PPP1R3D: variants seen among roughly 807,000 people sequenced by gnomAD.
PPP1R3D encodes the protein protein phosphatase 1 regulatory subunit 3D.
A neutral mutation model predicts 16.3 loss-of-function variants in PPP1R3D; 27 were observed. The ratio of observed to expected loss-of-function variants is 1.66; its 90% CI spans 1.22 to 2.29. The LOEUF (loss-of-function observed/expected upper bound fraction) is 2.29. Ranked by LOEUF, PPP1R3D falls within the 30% of genes most tolerant of loss-of-function variation. PPP1R3D has a pLI of 0.00. For missense variants in PPP1R3D, 472 were observed against 438.3 expected (o/e 1.08, Z -0.69); for synonymous variants, 223 against 209.7 (o/e 1.06, Z -0.55).
At position 59,938,854 on chromosome 20, in the gene PPP1R3D, C is replaced by T; in HGVS notation, c.*178G>A. 1.9e-6 allele frequency: 1 copy of T among 527,990 alleles called. No individual in the cohort carries two copies. The highest frequency in any genetic ancestry group is 3.0e-6 in the Non-Finnish European group (1 of 329,124). 32.7% of individuals were successfully genotyped at this position (527,990 alleles called of 1,614,324 possible). ...AGGCTACTTTTTAGACCAAGTGACTCAGACGTTTCAAGTAGAAGACAGGAT... is the reference window on the plus strand; with the variant it reads ...AGGCTACTTTTTAGACCAAGTGACTTAGACGTTTCAAGTAGAAGACAGGAT... On this transcript the variant is annotated 3_prime_UTR_variant, in exon 1 of 1. Transcript: ENST00000370996.
rs748260351 is a variant in PPP1R3D, at chr20:59,939,467, C to A, written c.465G>T (p.Leu155=). ...CGACGGGCGGCGGGAAATCGGGCAC[C>A]AGGCAATGCAGGGTGAACTCCAGGT... ...SQDLEFTLHC[L]VPDFPPPVEA... Residue 155 remains leucine, a synonymous_variant, in exon 1 of 1, where the codon CTG becomes CTT. Transcript: ENST00000370996. 6.2e-7 allele frequency: 1 copy of A among 1,612,030 alleles called. No individual in the cohort carries two copies. Among genetic ancestry groups the A allele is most frequent in the South Asian group, 1.1e-5 (1 of 91,062 alleles).
In PPP1R3D at chr20:59,940,103, C is replaced by T; in HGVS notation, c.-172G>A. On this transcript the variant is annotated 5_prime_UTR_variant, in exon 1 of 1. Transcript: ENST00000370996. ...GGTTCGCCACCTTGCTCCTCGAGTC[C>T]TTGTCCAGGTCCTCCGCTTCTTGCG... is the stretch of plus-strand genomic sequence containing the variant. 4.5e-6 allele frequency: 2 copies of T among 444,114 alleles called. No homozygotes were observed. Among genetic ancestry groups the T allele is most frequent in the Non-Finnish European group, 3.9e-6 (1 of 256,082 alleles). The allele number at this position is 444,114 out of a possible 1,614,324, so 27.5% of individuals were successfully genotyped here.
In PPP1R3D at chr20:59,939,311, G is replaced by A. The variant is rs1373810018; in HGVS notation, c.621C>T (p.Arg207=). The A allele has an allele frequency of 1.2e-6, 2 of 1,612,000 alleles. No homozygotes were observed. Among genetic ancestry groups the A allele is most frequent in the Non-Finnish European group, 1.7e-6 (2 of 1,179,818 alleles). Residue 207 remains arginine (R), a synonymous_variant, in exon 1 of 1, where the codon CGC becomes CGT. Coordinates refer to ENST00000370996, the MANE Select transcript of PPP1R3D (RefSeq NM_006242.4). Reference sequence around the variant, plus strand: ...TACTGCGCCAGCCCGAGAAAGTGTAGCGCACAGCCACCTGCTTCTCGAAGG... The same window carrying A: ...TACTGCGCCAGCCCGAGAAAGTGTAACGCACAGCCACCTGCTTCTCGAAGG... ...NVAFEKQVAV[R]YTFSGWRSTH...
At position 59,939,651 on chromosome 20, in the gene PPP1R3D, C is replaced by A. The variant is rs1478957258; in HGVS notation, c.281G>T (p.Arg94Leu). 3 of 1,524,310 alleles carry A rather than the reference C, an allele frequency of 2.0e-6. No homozygotes were observed. In the Admixed American group the frequency reaches 6.2e-5, roughly 32 times the overall value. 94.4% of individuals were successfully genotyped at this position (1,524,310 alleles called of 1,614,324 possible). A position where few individuals can be genotyped will look rare whatever the true frequency, so the allele number is the denominator to read the frequency against. The change falls in exon 1 of 1, where the codon CGG becomes CTG. Residue 94 changes from arginine to leucine, a missense_variant. Transcript: ENST00000370996. ...KAAGAPGAAC[R>L]PGCSQKLRVR... ...GCGGAGCTTCTGGCTGCAGCCCGGCCGACACGCAGCGCCCGGCGCGCCCGC... is the reference window on the plus strand; with the variant it reads ...GCGGAGCTTCTGGCTGCAGCCCGGCAGACACGCAGCGCCCGGCGCGCCCGC...
At position 59,939,924 on chromosome 20, in the gene PPP1R3D, C is replaced by T. The variant is rs776630785; in HGVS notation, c.8G>A (p.Arg3Lys). ...AGGCAGGACCGCGGAGCTCGGGCCT[C>T]TGGACATGGCCCCGCCGGCCGTCGG... Reference protein sequence around the residue: MSRGPSSAVLPSA... With the variant: MSKGPSSAVLPSA... The change falls in exon 1 of 1, where the codon AGA becomes AAA. Residue 3 changes from arginine (R) to lysine (K), a missense_variant. Arg to Lys is a conservative substitution (Grantham distance 26, BLOSUM62 2). Transcript: ENST00000370996. 1.4e-4 allele frequency: 175 copies of T among 1,261,158 alleles called. No homozygotes were observed. The highest frequency in any genetic ancestry group is 1.7e-4 in the Non-Finnish European group (167 of 997,626). The allele number at this position is 1,261,158 out of a possible 1,614,324, so 78.1% of individuals were successfully genotyped here.
rs770112854 is a variant in PPP1R3D at position 59,939,164 on chromosome 20, C to T, written c.768G>A (p.Ala256=). The T allele has an allele frequency of 2.5e-6, 4 of 1,611,360 alleles. No individual in the cohort carries two copies. The highest frequency in any genetic ancestry group is 1.3e-5 in the African/African-American group (1 of 75,012). The change falls in exon 1 of 1, where the codon GCG becomes GCA. Residue 256 remains alanine (A), a synonymous_variant. Transcript: ENST00000370996. ...CGGCACCCGCCACTTGGTAGCGCAC[C>T]GCGAAGTGCACGCGGGAGCCGAGCT... is the stretch of plus-strand genomic sequence containing the variant. ...LLELGSRVHF[A]VRYQVAGAEY...
rs1396101746 is a variant in PPP1R3D, at chr20:59,938,825, C to T, written c.*207G>A. On this transcript the variant is annotated 3_prime_UTR_variant, in exon 1 of 1. Transcript: ENST00000370996. ...ATTACACAACTCGGCCTTCTGGCCA[C>T]CTGAGGCTACTTTTTAGACCAAGTG... The T allele has an allele frequency of 9.0e-6, 4 of 443,068 alleles. No individual in the cohort carries two copies. The highest frequency in any genetic ancestry group is 1.5e-5 in the Non-Finnish European group (4 of 261,934). 27.4% of individuals were successfully genotyped at this position (443,068 alleles called of 1,614,324 possible).
Position 59,939,813 on chromosome 20 carries a change from G to C in PPP1R3D, c.119C>G (p.Ala40Gly). Residue 40 changes from alanine (A) to glycine (G), a missense_variant, in exon 1 of 1, where the codon GCC (alanine) becomes GGC (glycine). Ala to Gly is a moderately conservative substitution (Grantham distance 60, BLOSUM62 0). Coordinates refer to ENST00000370996, the MANE Select transcript of PPP1R3D (RefSeq NM_006242.4). ...LDGGVALEPR[A>G]CRPPGSPGRA... Reference sequence around the variant, plus strand: ...GCCCGGGCTCCCAGGGGGCCTACAGGCCCGCGGCTCCAGGGCCACGCCGCC... The same window carrying C: ...GCCCGGGCTCCCAGGGGGCCTACAGCCCCGCGGCTCCAGGGCCACGCCGCC... 1 of 1,234,910 alleles carries C rather than the reference G, an allele frequency of 8.1e-7. No individual in the cohort carries two copies. Among genetic ancestry groups the C allele is most frequent in the Non-Finnish European group, 1.0e-6 (1 of 990,040 alleles). The allele number at this position is 1,234,910 out of a possible 1,614,324, so 76.5% of individuals were successfully genotyped here. A position where few individuals can be genotyped will look rare whatever the true frequency, so the allele number is the denominator to read the frequency against.
In PPP1R3D at chr20:59,936,753, C is replaced by G. The variant is rs1601037508; in HGVS notation, c.*2279G>C. The G allele has an allele frequency of 6.6e-6, 1 of 152,192 alleles. No individual in the cohort carries two copies. Among genetic ancestry groups the G allele is most frequent in the Admixed American group, 6.5e-5 (1 of 15,282 alleles). The allele number at this position is 152,192 out of a possible 1,614,324, so 9.4% of individuals were successfully genotyped here. Reference sequence around the variant, plus strand: ...AGACTTGCATGTGAAATGATTTAGACAAGAAGTTTCTAAAGCTTGGTCTTC... The same window carrying G: ...AGACTTGCATGTGAAATGATTTAGAGAAGAAGTTTCTAAAGCTTGGTCTTC... On this transcript the variant is annotated 3_prime_UTR_variant, in exon 1 of 1. Coordinates refer to ENST00000370996, the MANE Select transcript of PPP1R3D (RefSeq NM_006242.4).
Position 59,939,377 on chromosome 20 carries a change from C to G in PPP1R3D, c.555G>C (p.Ser185=), listed in dbSNP as rs1488810316. The part of the protein sequence containing the change: ...QLVCLERVTC[S]DLGISGTVRV... ...GCACCGTACCGCTGATGCCAAGGTC[C>G]GAGCAAGTGACACGCTCCAGGCACA... Residue 185 remains serine, a synonymous_variant, in exon 1 of 1, where the codon TCG becomes TCC. Transcript: ENST00000370996. The G allele has an allele frequency of 6.2e-7, 1 of 1,610,470 alleles. No homozygotes were observed. Among genetic ancestry groups the G allele is most frequent in the Non-Finnish European group, 8.5e-7 (1 of 1,179,598 alleles).
rs2060864187 is a variant in PPP1R3D, at chr20:59,936,680, A to G, written c.*2352T>C. The stretch of plus-strand genomic sequence containing the variant: ...ACTGACGCTGAGGCACAATGACAAA[A>G]TTTATTTTTGCCAAGGCTCTACGTT... On this transcript the variant is annotated 3_prime_UTR_variant, in exon 1 of 1. Transcript: ENST00000370996. 1.3e-5 allele frequency: 2 copies of G among 152,360 alleles called. No individual in the cohort carries two copies. The highest frequency in any genetic ancestry group is 4.1e-4 in the South Asian group (2 of 4,826). 9.4% of individuals were successfully genotyped at this position (152,360 alleles called of 1,614,324 possible).
Position 59,939,842 on chromosome 20 carries a change from C to T in PPP1R3D, c.90G>A (p.Leu30=). Residue 30 remains leucine, a synonymous_variant, in exon 1 of 1, where the codon CTG becomes CTA. Coordinates refer to ENST00000370996, the MANE Select transcript of PPP1R3D (RefSeq NM_006242.4). The part of the protein sequence containing the change: ...GPRSLSCLSD[L]DGGVALEPRA... ...GCGGCTCCAGGGCCACGCCGCCGTC[C>T]AGGTCCGACAGGCAGCTGAGGCTCC... is the stretch of plus-strand genomic sequence containing the variant. The T allele has an allele frequency of 8.0e-7, 1 of 1,242,246 alleles. No individual in the cohort carries two copies. The highest frequency in any genetic ancestry group is 1.0e-6 in the Non-Finnish European group (1 of 993,694). 77.0% of individuals were successfully genotyped at this position (1,242,246 alleles called of 1,614,324 possible).
At position 59,940,179 on chromosome 20, in the gene PPP1R3D, A is replaced by G. The variant is rs977000697; in HGVS notation, c.-248T>C. The G allele has an allele frequency of 3.2e-4, 122 of 381,088 alleles. No individual in the cohort carries two copies. The highest frequency in any genetic ancestry group is 5.3e-4 in the Non-Finnish European group (109 of 206,296). 23.6% of individuals were successfully genotyped at this position (381,088 alleles called of 1,614,324 possible). ...GTTTTTCTCTAGTGGAAGCTTTCAGAGGCCTCCCGGGAGCGCAGGGTAGCG... is the reference window on the plus strand; with the variant it reads ...GTTTTTCTCTAGTGGAAGCTTTCAGGGGCCTCCCGGGAGCGCAGGGTAGCG... On this transcript the variant is annotated 5_prime_UTR_variant, in exon 1 of 1. Coordinates refer to ENST00000370996, the MANE Select transcript of PPP1R3D (RefSeq NM_006242.4).
rs1471031374 is a variant in PPP1R3D at position 59,937,295 on chromosome 20, A to G, written c.*1737T>C. ...AACAGGCTTGCTGACCTAATTGGAC[A>G]GTTTGTTAAATAGCAGGAAATGTAA... On this transcript the variant is annotated 3_prime_UTR_variant, in exon 1 of 1. Transcript: ENST00000370996. 3 of 152,696 alleles carry G rather than the reference A, an allele frequency of 2.0e-5. No homozygotes were observed. The highest frequency in any genetic ancestry group is 4.4e-5 in the Non-Finnish European group (3 of 68,060). 9.5% of individuals were successfully genotyped at this position (152,696 alleles called of 1,614,324 possible). A position where few individuals can be genotyped will look rare whatever the true frequency, so the allele number is the denominator to read the frequency against.
In PPP1R3D at chr20:59,939,761, C is replaced by T; in HGVS notation, c.171G>A (p.Pro57=). 2.5e-6 allele frequency: 3 copies of T among 1,221,014 alleles called. No individual in the cohort carries two copies. The highest frequency in any genetic ancestry group is 4.1e-5 in the South Asian group (1 of 24,320). The allele number at this position is 1,221,014 out of a possible 1,614,324, so 75.6% of individuals were successfully genotyped here. A position where few individuals can be genotyped will look rare whatever the true frequency, so the allele number is the denominator to read the frequency against. ...GCCGCAGGCGGGGGTCGCAGCCCGA[C>T]GGCGCTGGCGTTGGCGGCGGCGCGC... The part of the protein sequence containing the change: ...PGRAPPPTPA[P]SGCDPRLRPI... The change falls in exon 1 of 1, where the codon CCG becomes CCA. Residue 57 remains proline, a synonymous_variant. Coordinates refer to ENST00000370996, the MANE Select transcript of PPP1R3D (RefSeq NM_006242.4).
rs866772292 is a variant in PPP1R3D at position 59,940,239 on chromosome 20, A to T, written c.-308T>A. ...TCTTCTTGCTTCCTTGGAGGTTCTTACAAGAAGGCTGCGTTCCGGGAGCGG... is the reference window on the plus strand; with the variant it reads ...TCTTCTTGCTTCCTTGGAGGTTCTTTCAAGAAGGCTGCGTTCCGGGAGCGG... On this transcript the variant is annotated 5_prime_UTR_variant, in exon 1 of 1. Coordinates refer to ENST00000370996, the MANE Select transcript of PPP1R3D (RefSeq NM_006242.4). 4.9e-4 allele frequency: 123 copies of T among 251,416 alleles called. No homozygotes were observed. Among genetic ancestry groups the T allele is most frequent in the African/African-American group, 2.7e-3 (122 of 44,382 alleles). 15.6% of individuals were successfully genotyped at this position (251,416 alleles called of 1,614,324 possible).
chr20:59,939,745 G>T lies in PPP1R3D; in HGVS notation c.187C>A (p.Arg63Ser), dbSNP rs1286705027. 1.6e-6 allele frequency: 2 copies of T among 1,232,910 alleles called. No individual in the cohort carries two copies. Among genetic ancestry groups the T allele is most frequent in the South Asian group, 3.8e-5 (1 of 26,600 alleles). 76.4% of individuals were successfully genotyped at this position (1,232,910 alleles called of 1,614,324 possible). A position where few individuals can be genotyped will look rare whatever the true frequency, so the allele number is the denominator to read the frequency against. ...PTPAPSGCDP[R>S]LRPIILRRAR... ...CGCCGCAGGATGATGGGCCGCAGGC[G>T]GGGGTCGCAGCCCGACGGCGCTGGC... Residue 63 changes from arginine to serine, a missense_variant, in exon 1 of 1, where the codon CGC becomes AGC. Transcript: ENST00000370996.
Position 59,939,346 on chromosome 20 carries a change from A to G in PPP1R3D, c.586T>C (p.Cys196Arg), listed in dbSNP as rs752260687. The part of the protein sequence containing the change: ...DLGISGTVRV[C>R]NVAFEKQVAV... ...ACCTGCTTCTCGAAGGCCACGTTGCACACGCGCACCGTACCGCTGATGCCA... is the reference window on the plus strand; with the variant it reads ...ACCTGCTTCTCGAAGGCCACGTTGCGCACGCGCACCGTACCGCTGATGCCA... Residue 196 changes from cysteine (C) to arginine (R), a missense_variant, in exon 1 of 1, where the codon TGC becomes CGC. Coordinates refer to ENST00000370996, the MANE Select transcript of PPP1R3D (RefSeq NM_006242.4). 9 of 1,611,084 alleles carry G rather than the reference A, an allele frequency of 5.6e-6. No individual in the cohort carries two copies. Among genetic ancestry groups the G allele is most frequent in the Non-Finnish European group, 7.6e-6 (9 of 1,179,758 alleles).
rs2060886947 is a variant in PPP1R3D, at chr20:59,939,675, G to A, written c.257C>T (p.Ala86Val). 2 of 1,453,508 alleles carry A rather than the reference G, an allele frequency of 1.4e-6. No individual in the cohort carries two copies. Among genetic ancestry groups the A allele is most frequent in the South Asian group, 1.4e-5 (1 of 70,786 alleles). 90.0% of individuals were successfully genotyped at this position (1,453,508 alleles called of 1,614,324 possible). A position where few individuals can be genotyped will look rare whatever the true frequency, so the allele number is the denominator to read the frequency against. Residue 86 changes from alanine to valine, a missense_variant, in exon 1 of 1, where the codon GCG becomes GTG. Physicochemically the swap from Ala to Val is moderately conservative, Grantham distance 64. Transcript: ENST00000370996. Reference sequence around the variant, plus strand: ...CCGACACGCAGCGCCCGGCGCGCCCGCGGCCTTCTGGCGGCGCTCGGGGGA... The same window carrying A: ...CCGACACGCAGCGCCCGGCGCGCCCACGGCCTTCTGGCGGCGCTCGGGGGA... ...PSSPERRQKA[A>V]GAPGAACRPG...
Sources: gnomAD v4.1 joint callset for allele counts on GRCh38, gnomAD v4.1.1 for gene constraint, MANE v1.5 for transcripts, NCBI Gene and HGNC (gene_info 2026-07-23, HGNC 2026-07-21) for gene names.